The following NCALD variants were observed in gnomAD, a reference collection of about 807,000 sequenced individuals.
NCALD encodes the protein neurocalcin-delta.
A neutral mutation model predicts 18.6 loss-of-function variants in NCALD; 10 were observed. The ratio of observed to expected loss-of-function variants is 0.54; its 90% CI spans 0.33 to 0.91. The LOEUF (loss-of-function observed/expected upper bound fraction) is 0.91. Among genes scored for constraint, NCALD ranks in the 40% least tolerant of loss-of-function variants. The pLI, the probability that NCALD is intolerant of heterozygous loss-of-function variation, is 0.03. For missense variants in NCALD, 184 were observed against 247.6 expected (o/e 0.74, Z 1.72); for synonymous variants, 88 against 87.4 (o/e 1.01, Z -0.04).
intron 4 of NCALD, among the ~76,000 whole-genome samples, chr8:101,812,462 G>C (rs1813341085): frequency 6.6e-6 from 1 of 152,076 alleles, no homozygotes; most frequent in African/African-American, 2.4e-5. Flanking sequence ...TGTCATGGCT[G>C]GGAAGGACTA....
intron 3 of NCALD, among the ~76,000 whole-genome samples, chr8:101,896,531 A>T (rs1817180386): frequency 6.6e-6 from 1 of 151,934 alleles, no homozygotes; most frequent in South Asian, 2.1e-4. Context: ...TAATGAAACT[A>T]AAGAGCTTCT....
chr8:101,831,181 T>G (rs1326940474), intron 4 of NCALD, among the ~76,000 whole-genome samples: 3 of 152,228 alleles, frequency 2.0e-5, no homozygotes, highest in African/African-American at 7.2e-5. Context: ...AAGCAATAGA[T>G]TCTCCTGTAC....
intron 4 of NCALD, among the ~76,000 whole-genome samples, chr8:101,867,212 G>C (rs758516079): frequency 3.9e-5 from 6 of 152,010 alleles, no homozygotes; most frequent in Non-Finnish European, 7.4e-5. Context: ...AACTATCCTT[G>C]GCCATTCTAT....
At chr8:101,984,402 T>A (rs2131953506) in intron 2 of NCALD, among the ~76,000 whole-genome samples, 1 of 152,314 alleles carries the variant, frequency 6.6e-6, no homozygotes, top group African/African-American at 2.4e-5. Flanking sequence ...ACTTATAGAA[T>A]AAATGGCCTG....
chr8:101,914,482 T>TC (rs1268769515), intron 3 of NCALD, among the ~76,000 whole-genome samples: 1 of 152,206 alleles, frequency 6.6e-6, no homozygotes, highest in Non-Finnish European at 1.5e-5. Flanking sequence ...TTTACTATAC[T>TC]CTTTGAAAGA....
intron 2 of NCALD, among the ~76,000 whole-genome samples, chr8:101,935,684 GA>G (rs1818734749): frequency 6.6e-6 from 1 of 151,816 alleles, no homozygotes; most frequent in African/African-American, 2.4e-5. Flanking sequence ...GTTGCAGAGA[GA>G]AAGTGGGGAG....
At chr8:101,959,640 G>A (rs915625533) in intron 2 of NCALD, among the ~76,000 whole-genome samples, 3 of 152,076 alleles carry the variant, frequency 2.0e-5, no homozygotes, top group Admixed American at 1.3e-4. Context: ...CATCCAGCAG[G>A]CTACTAGGTC....
chr8:102,106,674 T>C (rs1317612830), intron 1 of NCALD, among the ~76,000 whole-genome samples: 1 of 152,206 alleles, frequency 6.6e-6, no homozygotes, highest in Admixed American at 6.5e-5. Flanking sequence ...TGTCTGCAAC[T>C]GCTGGAAGCT....
intron 2 of NCALD, among the ~76,000 whole-genome samples, chr8:101,704,950 G>T (rs1187203230): frequency 2.0e-5 from 3 of 151,806 alleles, no homozygotes; most frequent in South Asian, 4.2e-4. Context: ...AATAGGCCGG[G>T]CGCGGTGGCT....
intron 2 of NCALD, among the ~76,000 whole-genome samples, chr8:102,010,653 C>T (rs1485637038): frequency 6.6e-6 from 1 of 152,172 alleles, no homozygotes; most frequent in Non-Finnish European, 1.5e-5. Context: ...AAAAGGAGAG[C>T]TGTCGGCCTG....
At chr8:101,985,206 C>G (rs942933717) in intron 2 of NCALD, among the ~76,000 whole-genome samples, 1 of 152,188 alleles carries the variant, frequency 6.6e-6, no homozygotes, top group African/African-American at 2.4e-5. Flanking sequence ...CTCCCCTCAC[C>G]CCGGGTCTTC....
At chr8:101,741,924 G>A (rs1262045455) in intron 1 of NCALD, among the ~76,000 whole-genome samples, 12 of 90,432 alleles carry the variant, frequency 1.3e-4, no homozygotes, top group South Asian at 4.2e-4. Flanking sequence ...GCAATACAGC[G>A]AAAGCCTGTC....
chr8:101,698,870 G>A (rs937657573), intron 2 of NCALD, among the ~76,000 whole-genome samples: 1 of 152,096 alleles, frequency 6.6e-6, no homozygotes, highest in South Asian at 2.1e-4. Context: ...ACAGGCATGG[G>A]CAAAGACTTT....
At chr8:101,867,723 A>G (rs759281400) in intron 4 of NCALD, among the ~76,000 whole-genome samples, 2 of 152,190 alleles carry the variant, frequency 1.3e-5, no homozygotes, top group Admixed American at 6.6e-5. Flanking sequence ...TAAAGTTGTC[A>G]TGTTATCTCC....
intron 2 of NCALD, among the ~76,000 whole-genome samples, chr8:102,008,903 C>T (rs1821804103): frequency 7.3e-6 from 1 of 137,500 alleles, no homozygotes; most frequent in African/African-American, 2.7e-5. Context: ...CCCCCACCTC[C>T]ACCCCCGCCC....
intron 1 of NCALD, among the ~76,000 whole-genome samples, chr8:102,029,514 A>G (rs1822590740): frequency 6.6e-6 from 1 of 152,226 alleles, no homozygotes; most frequent in South Asian, 2.1e-4. Context: ...TTGATGTCAT[A>G]AGCTTTTCAA....
intron 4 of NCALD, among the ~76,000 whole-genome samples, chr8:101,863,273 G>T (rs1815620787): frequency 6.6e-6 from 1 of 152,088 alleles, no homozygotes; most frequent in African/African-American, 2.4e-5. Flanking sequence ...ATCAACCTTG[G>T]GGTTTTTCTT....
At chr8:102,038,730 G>T (rs1005698017) in intron 1 of NCALD, among the ~76,000 whole-genome samples, 1 of 152,136 alleles carries the variant, frequency 6.6e-6, no homozygotes, top group Non-Finnish European at 1.5e-5. Flanking sequence ...AGCACAGTGG[G>T]CAGAATTCTA....
rs534728290 is a variant in NCALD, at chr8:101,975,150, T to A, written c.-157+45087A>T. 2.0e-5 allele frequency: 3 copies of A among 152,208 alleles called. No homozygotes were observed. The East Asian group carries it at 5.8e-4, about 29-fold the overall frequency. 9.4% of individuals were successfully genotyped at this position (152,208 alleles called of 1,614,324 possible). Reference sequence around the variant, plus strand: ...CTAAGGGGATCAAATAAACTCTGTTTGAAAACCACTTCTCTAATCCAATCT... The same window carrying A: ...CTAAGGGGATCAAATAAACTCTGTTAGAAAACCACTTCTCTAATCCAATCT... On this transcript the variant is annotated intron_variant, in intron 2 of 6. Transcript: ENST00000311028.
Sources: gnomAD v4.1 joint callset for allele counts (sites outside exome capture counted in the v4.1 genomes callset) on GRCh38, gnomAD v4.1.1 for gene constraint, MANE v1.5 for transcripts, NCBI Gene and HGNC (gene_info 2026-07-23, HGNC 2026-07-21) for gene names.